ST7L: variants seen among roughly 807,000 people sequenced by gnomAD.
The protein encoded by ST7L is suppressor of tumorigenicity 7 protein-like.
In ST7L, 57 loss-of-function variants were observed where a neutral mutation model predicts 72.5. The observed-to-expected ratio is 0.79, with a 90% confidence interval of 0.64 to 0.98. The LOEUF is 0.98. Among genes scored for constraint, ST7L ranks in the 50% least tolerant of loss-of-function variants. The pLI, the probability that ST7L is intolerant of heterozygous loss-of-function variation, is 0.00. For synonymous variants in ST7L, 221 were observed against 240.9 expected (o/e 0.92, Z 0.77); for missense variants, 576 against 672.2 (o/e 0.86, Z 1.58).
chr1:112,520,406 A>G (rs1443848765), downstream of ST7L: 2 of 1,614,136 alleles, frequency 1.2e-6, no homozygotes, highest in South Asian at 2.2e-5. Context: ...TGTGAGTGCA[A>G]ATTCCACTGG....
chr1:112,553,804 C>G (rs890506407), intron 12 of ST7L, among the ~76,000 whole-genome samples: 7 of 152,308 alleles, frequency 4.6e-5, no homozygotes, highest in Admixed American at 2.0e-4. Context: ...GGAGAATGAT[C>G]TAATGTTGAA....
Position 112,599,127 on chromosome 1 carries a change from T to TATAC in ST7L, c.507-1042_507-1041insGTAT, listed in dbSNP as rs1445408085. 4.8e-5 allele frequency among the ~76,000 whole-genome samples: 5 copies of TATAC among 103,824 alleles called. 1 individual carries two copies. Among genetic ancestry groups the TATAC allele is most frequent in the African/African-American group, 1.9e-4 (5 of 26,816 alleles). The allele number at this position is 103,824 out of a possible 152,430, so 68.1% of individuals were successfully genotyped here. A position where few individuals can be genotyped will look rare whatever the true frequency, so the allele number is the denominator to read the frequency against. On this transcript the variant is annotated intron_variant, in intron 4 of 14. Coordinates refer to ENST00000358039, the MANE Select transcript of ST7L (RefSeq NM_017744.5). ...ATATATATATGTGGATGTGTGTGTA[T>TATAC]ACACACACACACACACACACACACA...
intron 2 of ST7L, among the ~76,000 whole-genome samples, chr1:112,614,940 TA>T (rs1669636138): frequency 6.6e-6 from 1 of 152,236 alleles, no homozygotes; most frequent in African/African-American, 2.4e-5. Flanking sequence ...AAAAATATTT[TA>T]TTTTTTTTAA....
intron 6 of ST7L, among the ~76,000 whole-genome samples, chr1:112,586,040 C>T (rs1664825651): frequency 6.6e-6 from 1 of 152,102 alleles, no homozygotes; most frequent in Non-Finnish European, 1.5e-5. Context: ...TAAGAAGACC[C>T]TATAATACAT....
chr1:112,591,227 G>A (rs548250296), intron 6 of ST7L, among the ~76,000 whole-genome samples: 54 of 152,006 alleles, frequency 3.6e-4, no homozygotes, highest in Non-Finnish European at 5.7e-4. Context: ...CACCACACCC[G>A]GCCTAGTATG....
chr1:112,520,143 A>G (rs770230819), downstream of ST7L: 10 of 778,434 alleles, frequency 1.3e-5, no homozygotes, highest in Non-Finnish European at 2.1e-5. Context: ...AAATGCTGGG[A>G]TGATAGGCAT....
At chr1:112,601,550 C>T (rs1481633903) in intron 3 of ST7L, among the ~76,000 whole-genome samples, 3 of 151,714 alleles carry the variant, frequency 2.0e-5, no homozygotes, top group African/African-American at 4.8e-5. Flanking sequence ...TGGCCAGACA[C>T]GTTTTGTTCT....
chr1:112,619,414 C>T (rs541292738), upstream of ST7L: 81 of 544,652 alleles, frequency 1.5e-4, no homozygotes, highest in African/African-American at 1.1e-3. Context: ...ACCGCCCCCC[C>T]CCCGGGGTTG....
intron 11 of ST7L, among the ~76,000 whole-genome samples, chr1:112,572,625 C>A (rs1176282496): frequency 6.6e-6 from 1 of 151,956 alleles, no homozygotes; most frequent in Admixed American, 6.6e-5. Context: ...ACCTGTAATC[C>A]CAGCACTTTG....
At chr1:112,579,484 T>C (rs1410519641) in intron 9 of ST7L, among the ~76,000 whole-genome samples, 1 of 150,298 alleles carries the variant, frequency 6.7e-6, no homozygotes, top group African/African-American at 2.5e-5. Context: ...CACCTATTCA[T>C]AGAGAAAAAC....
chr1:112,598,213 A>G (rs1466411173), intron 4 of ST7L, 127 bp from the exon 5 acceptor site: 5 of 569,018 alleles, frequency 8.8e-6, no homozygotes, highest in Admixed American at 3.5e-5. Flanking sequence ...TACAATCAGT[A>G]AAACAAAAGA....
Position 112,616,823 on chromosome 1 carries a change from C to T in ST7L, c.278G>A (p.Gly93Glu). 1.3e-6 allele frequency: 2 copies of T among 1,598,982 alleles called. No individual in the cohort carries two copies. The highest frequency in any genetic ancestry group is 1.7e-6 in the Non-Finnish European group (2 of 1,172,290). ...ATGGAAACTACTTACAAATATTAGT[C>T]CTGATATCAATGAAGAGGTCCCTGT... is the stretch of plus-strand genomic sequence containing the variant. ...ALTGTSSLIS[G>E]LIFIFEWWYF... is the part of the protein sequence containing the mutation. Residue 93 changes from glycine (G) to glutamate (E), a missense_variant, in exon 2 of 15, where the codon GGA becomes GAA. Gly to Glu is a moderately conservative substitution (Grantham distance 98). This residue lies in a region of ST7L where 511 missense variants were observed against 600.7 expected (regional missense o/e 0.85). Transcript: ENST00000358039.
chr1:112,579,772 A>G (rs1663797214), intron 9 of ST7L, among the ~76,000 whole-genome samples: 1 of 152,242 alleles, frequency 6.6e-6, no homozygotes, highest in Non-Finnish European at 1.5e-5. Context: ...CAGATTCTGG[A>G]ATGGTAAAAA....
intron 12 of ST7L, among the ~76,000 whole-genome samples, chr1:112,554,361 T>C (rs1658743833): frequency 6.6e-6 from 1 of 152,172 alleles, no homozygotes; most frequent in South Asian, 2.1e-4. Context: ...CATGAAAAGA[T>C]GTTCAACATC....
intron 9 of ST7L, among the ~76,000 whole-genome samples, chr1:112,580,481 T>C (rs1251869001): frequency 3.9e-5 from 6 of 152,152 alleles, no homozygotes; most frequent in South Asian, 2.1e-4. Context: ...TGTTCTCGTA[T>C]AGTGAAAGAT....
At chr1:112,539,670 AAAAG>A (rs572468520) in intron 14 of ST7L, 16 of 958,510 alleles carry the variant, frequency 1.7e-5, no homozygotes, top group South Asian at 1.5e-4. Context: ...AAAAAAAAAA[AAAAG>A]AAAAAGAAAA....
Position 112,598,104 on chromosome 1 carries a change from A to G in ST7L, c.507-18T>C. The G allele has an allele frequency of 6.4e-6, 10 of 1,568,998 alleles. No homozygotes were observed. The highest frequency in any genetic ancestry group is 8.7e-6 in the Non-Finnish European group (10 of 1,146,416). ...AAGTGTATCTTTACCAAAACACAAC[A>G]AAATATTTAAATTGAACATGAGAGA... On this transcript the variant is annotated intron_variant, in intron 4 of 14. Transcript: ENST00000358039.
At chr1:112,534,750 A>C (rs1654917222) in intron 14 of ST7L, among the ~76,000 whole-genome samples, 1 of 152,242 alleles carries the variant, frequency 6.6e-6, no homozygotes, top group Non-Finnish European at 1.5e-5. Context: ...TTATAATATC[A>C]CTAGGAGAAT....
intron 11 of ST7L, among the ~76,000 whole-genome samples, chr1:112,558,801 T>C (rs926892110): frequency 3.9e-5 from 6 of 152,214 alleles, no homozygotes; most frequent in African/African-American, 1.4e-4. Flanking sequence ...TCCCCTCTAA[T>C]CCTTGCCCAT....
Sources: gnomAD v4.1 joint callset for allele counts (sites outside exome capture counted in the v4.1 genomes callset) on GRCh38, gnomAD v4.1.1 for gene constraint, gnomAD v4.1.1 regional missense constraint, MANE v1.5 for transcripts, NCBI Gene and HGNC (gene_info 2026-07-23, HGNC 2026-07-21) for gene names.